Variants in MOV10 observed in about 807,000 individuals in gnomAD.
MOV10 encodes RNA helicase MOV-10.
Under a neutral mutation model 108.4 loss-of-function variants are expected in MOV10, and 39 were observed. The observed-to-expected ratio is 0.36, with a 90% CI of 0.28 to 0.47. The LOEUF is 0.47. Ranked by LOEUF, MOV10 falls within the 20% of genes least tolerant of loss-of-function variation. MOV10 has a pLI of 1.00. For synonymous variants in MOV10, 490 were observed against 523.1 expected, an observed-to-expected ratio of 0.94 and a Z score of 0.86; for missense variants, 952 against 1,297.6, an observed-to-expected ratio of 0.73 and a Z score of 4.09.
chr1:112,696,688 C>T lies in MOV10; in HGVS notation c.2040C>T (p.Asp680=). Residue 680 remains aspartate, a synonymous_variant, in exon 14 of 21, where the codon GAC becomes GAT. Transcript: ENST00000369645. The part of the protein sequence containing the change: ...DPGGQLVLAG[D]PRQLGPVLRS... ...GAGGGCAGCTGGTGCTGGCAGGAGA[C>T]CCTCGGCAGCTGGGGCCTGTGCTGC... 1 of 1,609,904 alleles carries T rather than the reference C, an allele frequency of 6.2e-7. No individual in the cohort carries two copies. Among genetic ancestry groups the T allele is most frequent in the Non-Finnish European group, 8.5e-7 (1 of 1,178,198 alleles).
At chr1:112,693,239 G>T (rs1203105935) in intron 7 of MOV10, among the ~76,000 whole-genome samples, 1 of 152,158 alleles carries the variant, frequency 6.6e-6, no homozygotes, top group Non-Finnish European at 1.5e-5. Flanking sequence ...TCTGGCTCTT[G>T]GATTTTCAAT....
chr1:112,696,240 C>T lies in MOV10; in HGVS notation c.1872C>T (p.Ile624=). The T allele has an allele frequency of 6.2e-7, 1 of 1,611,212 alleles. No individual in the cohort carries two copies. The change falls in exon 12 of 21, where the codon ATC becomes ATT. Residue 624 remains isoleucine, a synonymous_variant. Transcript: ENST00000369645. The part of the protein sequence containing the change: ...QEYRVLITTL[I]TAGRLVSAQF... ...ACCGGGTCTTAATTACCACCCTCAT[C>T]ACTGCCGGCAGGTGGGGAGTGTGTG...
chr1:112,685,579 C>T (rs188630730), intron 2 of MOV10, among the ~76,000 whole-genome samples: 9 of 151,510 alleles, frequency 5.9e-5, no homozygotes, highest in African/African-American at 2.2e-4. Flanking sequence ...CACTTGAACC[C>T]GGGAGGCAGA....
At chr1:112,697,823 T>C in intron 14 of MOV10, 171 bp from the exon 15 acceptor site, 1 of 659,302 alleles carries the variant, frequency 1.5e-6, no homozygotes. Flanking sequence ...GGTTCTGCTT[T>C]CTGTGGTTTA....
intron 5 of MOV10, among the ~76,000 whole-genome samples, chr1:112,690,657 G>GC (rs1487865574): frequency 6.6e-6 from 1 of 152,178 alleles, no homozygotes; most frequent in Non-Finnish European, 1.5e-5. Flanking sequence ...ACCGTGCCCA[G>GC]CCAACATCTC....
chr1:112,696,917 A>G, intron 14 of MOV10, 71 bp downstream of exon 14: 1 of 1,282,970 alleles, frequency 7.8e-7, no homozygotes, highest in Non-Finnish European at 1.1e-6. Flanking sequence ...CCCACTGGAG[A>G]GTCTGGCTTG....
chr1:112,699,643 A>C (rs1231929154), intron 17 of MOV10, 42 bp from the exon 18 acceptor site: 5 of 1,612,368 alleles, frequency 3.1e-6, no homozygotes, highest in Non-Finnish European at 3.4e-6. Context: ...CACCCCTTTG[A>C]CACCCCTGGC....
intron 2 of MOV10, among the ~76,000 whole-genome samples, chr1:112,678,767 C>T (rs912304362): frequency 6.6e-6 from 1 of 151,954 alleles, no homozygotes; most frequent in Non-Finnish European, 1.5e-5. Context: ...TGTCTTTAAT[C>T]TTAATGGAAA....
chr1:112,692,223 T>C (rs1265157677), intron 6 of MOV10, among the ~76,000 whole-genome samples: 1 of 152,184 alleles, frequency 6.6e-6, no homozygotes, highest in Non-Finnish European at 1.5e-5. Context: ...TCCCAGCTAC[T>C]TGTGAGGCAG....
At position 112,698,276 on chromosome 1, in the gene MOV10, C is replaced by T; in HGVS notation, c.2317-11C>T. The T allele has an allele frequency of 6.2e-7, 1 of 1,610,468 alleles. No individual in the cohort carries two copies. The highest frequency in any genetic ancestry group is 2.2e-5 in the East Asian group (1 of 44,810). Reference sequence around the variant, plus strand: ...GGTCTGGCTGACGGTTTCCCCCGACCCCATGTCCAGGGCTTTCCCATCATC... The same window carrying T: ...GGTCTGGCTGACGGTTTCCCCCGACTCCATGTCCAGGGCTTTCCCATCATC... On this transcript the variant is annotated splice_polypyrimidine_tract_variant and intron_variant, in intron 15 of 20. Transcript: ENST00000369645.
At chr1:112,682,785 T>C (rs1257133954) in intron 2 of MOV10, among the ~76,000 whole-genome samples, 1 of 152,242 alleles carries the variant, frequency 6.6e-6, no homozygotes, top group Non-Finnish European at 1.5e-5. Flanking sequence ...TCATCCACAA[T>C]GTATCAGTAG....
In MOV10 at chr1:112,694,232, A is replaced by G; in HGVS notation, c.1295+60A>G. On this transcript the variant is annotated intron_variant, in intron 8 of 20. Coordinates refer to ENST00000369645, the MANE Select transcript of MOV10 (RefSeq NM_001321324.2). The surrounding 1 kb of genome is among the most constrained non-coding windows in gnomAD (Gnocchi z 4.1). Reference sequence around the variant, plus strand: ...GTCTACAGACTTCTGACCCCAGGGGAGGAGGAGTGTTTCTCCCTGAGATAA... The same window carrying G: ...GTCTACAGACTTCTGACCCCAGGGGGGGAGGAGTGTTTCTCCCTGAGATAA... The G allele has an allele frequency of 1.9e-6, 3 of 1,596,646 alleles. No homozygotes were observed.
chr1:112,689,530 C>T lies in MOV10; in HGVS notation c.457C>T (p.Leu153=). The T allele has an allele frequency of 1.2e-6, 2 of 1,614,210 alleles. No homozygotes were observed. Among genetic ancestry groups the T allele is most frequent in the Non-Finnish European group, 1.7e-6 (2 of 1,180,034 alleles). ...LDLNRKEVLT[L]RLRNGGTQSV... The stretch of plus-strand genomic sequence containing the variant: ...TTTGAACCGCAAAGAGGTGCTGACC[C>T]TGAGGCTTCGGAATGGCGGAACCCA... Residue 153 remains leucine (L), a synonymous_variant, in exon 4 of 21, where the codon CTG becomes TTG. Transcript: ENST00000369645.
Position 112,688,532 on chromosome 1 carries a change from G to A in MOV10, c.138-403G>A, listed in dbSNP as rs148690631. On this transcript the variant is annotated intron_variant, in intron 2 of 20. Transcript: ENST00000369645. ...CCACCCCTCTGAATCAAATCATTCCGCTTCCCCTTAGCCTCAGCTCTTTCT... is the reference window on the plus strand; with the variant it reads ...CCACCCCTCTGAATCAAATCATTCCACTTCCCCTTAGCCTCAGCTCTTTCT... The A allele has an allele frequency of 5.2e-4, 569 of 1,089,608 alleles. No homozygotes were observed. The African/African-American group carries it at 7.4e-3, about 14-fold the overall frequency. The allele number at this position is 1,089,608 out of a possible 1,614,324, so 67.5% of individuals were successfully genotyped here. A position where few individuals can be genotyped will look rare whatever the true frequency, so the allele number is the denominator to read the frequency against.
intron 2 of MOV10, among the ~76,000 whole-genome samples, chr1:112,680,613 A>G (rs1208642538): frequency 8.0e-6 from 1 of 124,712 alleles, no homozygotes. Context: ...CCGAGATTGT[A>G]CCACTGCACT....
Position 112,700,470 on chromosome 1 carries a change from C to T in MOV10, c.2975C>T (p.Ser992Phe). The T allele has an allele frequency of 1.2e-6, 2 of 1,613,898 alleles. No homozygotes were observed. Among genetic ancestry groups the T allele is most frequent in the South Asian group, 2.2e-5 (2 of 90,992 alleles). ...PQEREGEGGL[S>F]LQVEPEWRNE... Reference sequence around the variant, plus strand: ...GAGCGGGAGGGTGAAGGGGGCCTGTCTCTGCAAGTGGAGCCAGAGTGGAGG... The same window carrying T: ...GAGCGGGAGGGTGAAGGGGGCCTGTTTCTGCAAGTGGAGCCAGAGTGGAGG... The change falls in exon 21 of 21, where the codon TCT (serine) becomes TTT (phenylalanine). Residue 992 changes from serine to phenylalanine, a missense_variant. Physicochemically the swap from Ser to Phe is radical, Grantham distance 155. Around this residue, in one of 5 missense-constraint regions of MOV10, gnomAD observed 42 missense variants for 36.5 expected, o/e 1.15. Transcript: ENST00000369645.
rs1672096845 is a variant in MOV10 at position 112,675,288 on chromosome 1, C to T, written c.137+239C>T. ...CCCTGCGCCAAGTCGCCGCGGAGAG[C>T]CTCCCGCGCTGCCCGCGCCCCCGGA... On this transcript the variant is annotated intron_variant, in intron 2 of 20. Coordinates refer to ENST00000369645, the MANE Select transcript of MOV10 (RefSeq NM_001321324.2). This position sits in a 1 kb window ranked among gnomAD's most constrained non-coding sequence, Gnocchi z 4.7. Among the ~76,000 whole-genome samples, 1 of 152,010 alleles carries T rather than the reference C, an allele frequency of 6.6e-6. No homozygotes were observed. Among genetic ancestry groups the T allele is most frequent in the Non-Finnish European group, 1.5e-5 (1 of 67,968 alleles).
At chr1:112,689,389 C>G (rs747148132) in intron 3 of MOV10, 26 bp from the exon 4 acceptor site, 13 of 1,288,830 alleles carry the variant, frequency 1.0e-5, no homozygotes, top group South Asian at 9.5e-5. Flanking sequence ...CCACCCCAAC[C>G]CCCCCTTGAC....
chr1:112,677,185 A>G (rs567199767), intron 2 of MOV10, among the ~76,000 whole-genome samples: 6 of 152,304 alleles, frequency 3.9e-5, no homozygotes, highest in Admixed American at 3.9e-4. Context: ...TTCATATTCT[A>G]TCCTGAGACC....
Sources: allele counts gnomAD v4.1 joint callset (sites outside exome capture counted in the v4.1 genomes callset), GRCh38; gene constraint gnomAD v4.1.1; regional missense constraint gnomAD v4.1.1; non-coding constraint Gnocchi (gnomAD v3.1); transcripts MANE v1.5; gene names NCBI Gene and HGNC (gene_info 2026-07-23, HGNC 2026-07-21).